GRIK1: variants seen among roughly 807,000 people sequenced by gnomAD.
GRIK1 encodes the protein glutamate receptor ionotropic, kainate 1.
Under a neutral mutation model 105.7 loss-of-function variants are expected in GRIK1, and 69 were observed. That is an observed-to-expected ratio of 0.65 (90% confidence interval 0.54 to 0.80). The LOEUF is 0.80. GRIK1 is among the 30% of genes least tolerant of loss of function. GRIK1 has a pLI of 0.00. For synonymous variants in GRIK1, 438 were observed against 431.3 expected, an observed-to-expected ratio of 1.02 and a Z score of -0.19; for missense variants, 1,109 against 1,167.3, an observed-to-expected ratio of 0.95 and a Z score of 0.73.
At chr21:29,846,115 G>T (rs920067808) in intron 1 of GRIK1, among the ~76,000 whole-genome samples, 3 of 152,134 alleles carry the variant, frequency 2.0e-5, no homozygotes. Flanking sequence ...TCTTGACCGG[G>T]TGCAGTGGCT....
intron 1 of GRIK1, among the ~76,000 whole-genome samples, chr21:29,818,212 G>A (rs1379947465): frequency 6.6e-6 from 1 of 151,968 alleles, no homozygotes; most frequent in Admixed American, 6.6e-5. Context: ...ATATTGTCTG[G>A]CCAAATCCAA....
intron 1 of GRIK1, among the ~76,000 whole-genome samples, chr21:29,838,852 C>A (rs1021722175): frequency 3.3e-5 from 5 of 152,068 alleles, no homozygotes; most frequent in African/African-American, 9.7e-5. Flanking sequence ...TTCTTTGTCA[C>A]AAGTTACTAA....
At chr21:29,799,518 ATTTGTTTTTTG>A (rs2066646982) in intron 1 of GRIK1, among the ~76,000 whole-genome samples, 1 of 151,176 alleles carries the variant, frequency 6.6e-6, no homozygotes. Flanking sequence ...GTTTGTTTTC[ATTTGTTTTTTG>A]TTTGTTTGTT....
chr21:29,692,595 A>G (rs1042810062), intron 2 of GRIK1, among the ~76,000 whole-genome samples: 1 of 152,168 alleles, frequency 6.6e-6, no homozygotes, highest in South Asian at 2.1e-4. Context: ...TGTTTTTGAG[A>G]CGGAGTCTCG....
chr21:29,587,505 C>T lies in GRIK1; in HGVS notation c.1654G>A (p.Gly552Ser). The T allele has an allele frequency of 1.2e-6, 2 of 1,613,420 alleles. No individual in the cohort carries two copies. The highest frequency in any genetic ancestry group is 1.7e-6 in the Non-Finnish European group (2 of 1,179,382). The change falls in exon 12 of 18, where the codon GGC (glycine) becomes AGC (serine). Residue 552 changes from glycine to serine, a missense_variant. Physicochemically the swap from Gly to Ser is moderately conservative, Grantham distance 56. Transcript: ENST00000327783. ...GGCTTCCGGTAGAGAATGCTGATGC[C>T]TAGGGTCATGAAGGGTTTGGAGAAG... ...IDFSKPFMTL[G>S]ISILYRKPNG...
intron 1 of GRIK1, among the ~76,000 whole-genome samples, chr21:29,917,137 T>TGC (rs2071026121): frequency 6.6e-6 from 1 of 152,020 alleles, no homozygotes; most frequent in African/African-American, 2.4e-5. Flanking sequence ...CACACCTAAA[T>TGC]ACTTTCCAAA....
chr21:29,874,157 G>A (rs1373505212), intron 1 of GRIK1, among the ~76,000 whole-genome samples: 1 of 152,156 alleles, frequency 6.6e-6, no homozygotes, highest in African/African-American at 2.4e-5. Flanking sequence ...CACATGGCCC[G>A]TTGTTTGGGG....
intron 1 of GRIK1, among the ~76,000 whole-genome samples, chr21:29,907,088 A>G (rs965958168): frequency 2.6e-5 from 4 of 151,566 alleles, no homozygotes; most frequent in African/African-American, 9.6e-5. Context: ...TGCACCTTCA[A>G]TTCACTTCCT....
At chr21:29,570,596 C>T (rs1327036449) in intron 14 of GRIK1, among the ~76,000 whole-genome samples, 1 of 152,110 alleles carries the variant, frequency 6.6e-6, no homozygotes, top group Non-Finnish European at 1.5e-5. Context: ...TAATTTGATG[C>T]CGATCGCCTC....
At chr21:29,761,517 C>A (rs571340068) in intron 1 of GRIK1, 2 of 151,850 alleles carry the variant, frequency 1.3e-5, no homozygotes, top group African/African-American at 4.8e-5. Context: ...ACAAGAAAAC[C>A]AATTCTGAAA....
chr21:29,737,938 T>C (rs1488725127), intron 1 of GRIK1, among the ~76,000 whole-genome samples: 1 of 152,252 alleles, frequency 6.6e-6, no homozygotes, highest in Non-Finnish European at 1.5e-5. Flanking sequence ...ACTTTATTTA[T>C]ACGCTATTGA....
intron 1 of GRIK1, among the ~76,000 whole-genome samples, chr21:29,920,265 T>C (rs1214588875): frequency 1.3e-5 from 2 of 152,042 alleles, no homozygotes; most frequent in Non-Finnish European, 2.9e-5. Flanking sequence ...AGGAATAGTT[T>C]CATTTTCCCA....
chr21:29,710,942 A>G (rs1262260386), intron 1 of GRIK1, among the ~76,000 whole-genome samples: 1 of 151,628 alleles, frequency 6.6e-6, no homozygotes, highest in Non-Finnish European at 1.5e-5. Flanking sequence ...TTTAAAGAGT[A>G]ACCCATTCTT....
chr21:29,576,961 T>A lies in GRIK1; in HGVS notation c.2130+3A>T. ...CACTGAGAACACTTTGTCAGCTTCT[T>A]ACCTTGAAGAAGGTCATTGTTGATC... On this transcript the variant is annotated splice_donor_region_variant and intron_variant, in intron 14 of 17. Transcript: ENST00000327783. 1 of 1,549,822 alleles carries A rather than the reference T, an allele frequency of 6.5e-7. No individual in the cohort carries two copies. Among genetic ancestry groups the A allele is most frequent in the Non-Finnish European group, 8.9e-7 (1 of 1,123,114 alleles).
intron 3 of GRIK1, among the ~76,000 whole-genome samples, chr21:29,679,871 A>G (rs1295555428): frequency 1.3e-5 from 2 of 152,336 alleles, no homozygotes; most frequent in East Asian, 3.9e-4. Flanking sequence ...TTTATCCTCC[A>G]TTTAAAAATA....
intron 4 of GRIK1, among the ~76,000 whole-genome samples, chr21:29,672,428 C>A (rs901311449): frequency 2.0e-5 from 3 of 152,108 alleles, no homozygotes; most frequent in Non-Finnish European, 4.4e-5. Context: ...TAGGATTTCA[C>A]AATTTACCAA....
chr21:29,700,866 G>A (rs930690159), intron 1 of GRIK1, among the ~76,000 whole-genome samples: 1 of 152,082 alleles, frequency 6.6e-6, no homozygotes, highest in Admixed American at 6.6e-5. Context: ...CATTGTGGCA[G>A]AGAATCCATC....
chr21:29,590,969 A>G, intron 10 of GRIK1, 143 bp downstream of exon 10: 1 of 671,998 alleles, frequency 1.5e-6, no homozygotes, highest in South Asian at 1.7e-5. Context: ...GTAAGTATGT[A>G]CAAACACAGG....
intron 1 of GRIK1, among the ~76,000 whole-genome samples, chr21:29,865,304 A>T (rs2068767260): frequency 4.5e-3 from 1 of 220 alleles, no homozygotes; most frequent in Non-Finnish European, 8.6e-3. Context: ...CATTTCTCAC[A>T]TCCCACTCCA....
Sources: allele counts gnomAD v4.1 joint callset (sites outside exome capture counted in the v4.1 genomes callset), GRCh38; gene constraint gnomAD v4.1.1; transcripts MANE v1.5; gene names NCBI Gene and HGNC (gene_info 2026-07-23, HGNC 2026-07-21).